The following SPRY3 variants were observed in gnomAD, a reference collection of about 807,000 sequenced individuals.
SPRY3 encodes protein sprouty homolog 3.
Under a neutral mutation model 20.2 loss-of-function variants are expected in SPRY3, and 15 were observed. The observed-to-expected ratio is 0.74, with a 90% CI of 0.50 to 1.14. The LOEUF (loss-of-function observed/expected upper bound fraction) is 1.14, where lower values mean the gene tolerates loss of function less well. Among genes scored for constraint, SPRY3 ranks in the 50% most tolerant of loss-of-function variants. The pLI, the probability that SPRY3 is intolerant of heterozygous loss-of-function variation, is 0.00. For missense variants in SPRY3, 364 were observed against 363.9 expected, an observed-to-expected ratio of 1.00 and a Z score of 0.00; for synonymous variants, 143 against 136.5, an observed-to-expected ratio of 1.05 and a Z score of -0.33.
rs55865452 is a variant in SPRY3 at position 155,632,219 on chromosome X, CCACA to C, written c.-441+19596_-441+19599del. Among the ~76,000 whole-genome samples, 226 of 98,664 alleles carry C rather than the reference CCACA, an allele frequency of 2.3e-3. 1 individual carries two copies. The highest frequency in any genetic ancestry group is 5.4e-3 in the African/African-American group (149 of 27,436). 85.7% of individuals were successfully genotyped at this position (98,664 alleles called of 115,157 possible). A position where few individuals can be genotyped will look rare whatever the true frequency, so the allele number is the denominator to read the frequency against. On this transcript the variant is annotated intron_variant, in intron 1 of 3. Transcript: ENST00000675360. ...TCATCATATGTGATTTCCACAGCCA[CCACA>C]CACACACACACACACACACACACGC...
Position 155,738,402 on chromosome X carries a change from T to G in SPRY3, c.-281-29560T>G. On this transcript the variant is annotated intron_variant, in intron 2 of 3. Transcript: ENST00000675360. Reference sequence around the variant, plus strand: ...AGTGGTCAAAAACATGAACAGACATTGAACTAAAGAAAACAAATAGGACAG... The same window carrying G: ...AGTGGTCAAAAACATGAACAGACATGGAACTAAAGAAAACAAATAGGACAG... 2.6e-5 allele frequency among the ~76,000 whole-genome samples: 4 copies of G among 152,060 alleles called. No homozygotes were observed. The South Asian group carries it at 8.3e-4, about 32-fold the overall frequency.
intron 1 of SPRY3, among the ~76,000 whole-genome samples, chrX:155,640,709 C>T (rs1557351331): frequency 9.0e-6 from 1 of 111,318 alleles, no homozygotes; most frequent in African/African-American, 3.3e-5. Flanking sequence ...GGATTACTTT[C>T]TTAATTTCTT....
intron 1 of SPRY3, among the ~76,000 whole-genome samples, chrX:155,639,052 C>T (rs1447979270): frequency 8.9e-6 from 1 of 111,739 alleles, no homozygotes. Context: ...CCCTACTGGA[C>T]TAAGCTTGGT....
At chrX:155,773,414 A>G (rs775900660) in intron 3 of SPRY3, among the ~76,000 whole-genome samples, 8 of 149,148 alleles carry the variant, frequency 5.4e-5, no homozygotes, top group African/African-American at 2.0e-4. Context: ...TAGCCTTTGC[A>G]GTTAATATTA....
intron 2 of SPRY3, among the ~76,000 whole-genome samples, chrX:155,730,634 C>G (rs2091126880): frequency 6.6e-6 from 1 of 151,852 alleles, no homozygotes; most frequent in Non-Finnish European, 1.5e-5. Flanking sequence ...ACCACTGTTA[C>G]TAACGTAGCA....
intron 2 of SPRY3, among the ~76,000 whole-genome samples, chrX:155,714,988 G>C (rs1001140496): frequency 1.3e-5 from 2 of 152,016 alleles, no homozygotes; most frequent in African/African-American, 4.8e-5. Context: ...ACTCCTCTCT[G>C]GCCCAGAGCA....
chrX:155,743,994 A>C (rs2091214700), intron 2 of SPRY3, among the ~76,000 whole-genome samples: 1 of 152,092 alleles, frequency 6.6e-6, no homozygotes, highest in Non-Finnish European at 1.5e-5. Flanking sequence ...AAGCTGCCCA[A>C]AGGAAGCATG....
At chrX:155,729,645 C>T (rs1169540225) in intron 2 of SPRY3, among the ~76,000 whole-genome samples, 2 of 151,068 alleles carry the variant, frequency 1.3e-5, no homozygotes, top group Non-Finnish European at 3.0e-5. Flanking sequence ...AATGATGCCT[C>T]TTACAGAACT....
chrX:155,695,318 C>G (rs766995393), intron 2 of SPRY3, among the ~76,000 whole-genome samples: 1 of 111,610 alleles, frequency 9.0e-6, no homozygotes, highest in South Asian at 3.7e-4. Context: ...TGGGTTATCT[C>G]TCTATGGGTT....
intron 1 of SPRY3, among the ~76,000 whole-genome samples, chrX:155,645,067 A>G (rs1480179731): frequency 1.8e-5 from 2 of 111,378 alleles, no homozygotes; most frequent in East Asian, 2.8e-4. Flanking sequence ...TCCTGCCAGG[A>G]CTGGGTCCTT....
intron 2 of SPRY3, among the ~76,000 whole-genome samples, chrX:155,723,627 G>C (rs1393567390): frequency 6.6e-6 from 1 of 152,000 alleles, no homozygotes; most frequent in Admixed American, 6.6e-5. Context: ...TTTTGATGTT[G>C]TTGTTTGTTT....
chrX:155,638,795 A>G (rs1389072837), intron 1 of SPRY3, among the ~76,000 whole-genome samples: 5 of 111,230 alleles, frequency 4.5e-5, no homozygotes, highest in Admixed American at 1.9e-4. Context: ...ACCCTACCCT[A>G]TGTTCCAGGA....
Position 155,698,432 on chromosome X carries a change from TG to T in SPRY3, c.-282+41408del, listed in dbSNP as rs745959738. On this transcript the variant is annotated intron_variant, in intron 2 of 3. Coordinates refer to ENST00000675360, the Ensembl canonical transcript of SPRY3. ...CATCTCTTAGTTCTTCCTTCTTTGC[TG>T]TATAAACTTCATCTTCAGGCTAACC... is the stretch of plus-strand genomic sequence containing the variant. Among the ~76,000 whole-genome samples, 74 of 112,048 alleles carry T rather than the reference TG, an allele frequency of 6.6e-4. 1 individual carries two copies. The Middle Eastern group carries it at 0.019, about 28-fold the overall frequency.
intron 2 of SPRY3, among the ~76,000 whole-genome samples, chrX:155,723,960 T>C (rs2091080335): frequency 6.6e-6 from 1 of 152,218 alleles, no homozygotes; most frequent in Admixed American, 6.5e-5. Flanking sequence ...TTAATTTTTG[T>C]GTAAGGTGTA....
intron 2 of SPRY3, among the ~76,000 whole-genome samples, chrX:155,707,091 G>A (rs1013284420): frequency 8.0e-5 from 12 of 150,712 alleles, no homozygotes; most frequent in Admixed American, 6.6e-5. Flanking sequence ...TTAGATTATT[G>A]ATTTGCAATG....
chrX:155,636,564 G>GTAT (rs1557351038), intron 1 of SPRY3, among the ~76,000 whole-genome samples: 1 of 104,760 alleles, frequency 9.5e-6, no homozygotes, highest in African/African-American at 3.5e-5. Flanking sequence ...TATGTAGGTA[G>GTAT]GTATGTATGT....
intron 2 of SPRY3, among the ~76,000 whole-genome samples, chrX:155,756,737 GCCATCTACTGCT>G (rs1219126587): frequency 1.3e-5 from 2 of 152,040 alleles, no homozygotes; most frequent in Non-Finnish European, 2.9e-5. Flanking sequence ...TAGGTACAAT[GCCATCTACTGCT>G]CCTTTACAAG....
chrX:155,670,037 C>T (rs782062800), intron 2 of SPRY3: 3 of 111,541 alleles, frequency 2.7e-5, no homozygotes, highest in East Asian at 2.8e-4. Flanking sequence ...CACGTGATAT[C>T]GTTTATCTCA....
chrX:155,737,009 T>G (rs1357962713), intron 2 of SPRY3, among the ~76,000 whole-genome samples: 2 of 152,122 alleles, frequency 1.3e-5, no homozygotes, highest in African/African-American at 4.8e-5. Context: ...TATGTAATAG[T>G]GTTTTTTTGT....
Sources: allele counts gnomAD v4.1 joint callset (sites outside exome capture counted in the v4.1 genomes callset), GRCh38; gene constraint gnomAD v4.1.1; transcripts MANE v1.5; gene names NCBI Gene and HGNC (gene_info 2026-07-23, HGNC 2026-07-21).